The following POMGNT1 variants were observed in gnomAD, a reference collection of about 807,000 sequenced individuals.
POMGNT1 encodes protein O-linked mannose N-acetylglucosaminyltransferase 1 (beta 1,2-).
In POMGNT1, 67 loss-of-function variants were observed where a neutral mutation model predicts 95.6. The ratio of observed to expected loss-of-function variants is 0.70; its 90% CI spans 0.58 to 0.86. The LOEUF (loss-of-function observed/expected upper bound fraction) is 0.86. Ranked by LOEUF, POMGNT1 falls within the 40% of genes least tolerant of loss-of-function variation. POMGNT1 has a pLI of 0.00. For synonymous variants in POMGNT1, 298 were observed against 317.9 expected, an observed-to-expected ratio of 0.94 and a Z score of 0.66; for missense variants, 719 against 855.2, an observed-to-expected ratio of 0.84 and a Z score of 1.99.
chr1:46,204,011 CCTT>C (rs1229728103), intron 1 of POMGNT1, among the ~76,000 whole-genome samples: 2 of 152,160 alleles, frequency 1.3e-5, no homozygotes, highest in East Asian at 1.9e-4. Context: ...GGTTTTTTCT[CCTT>C]CTGCTAACCG....
At position 46,190,782 on chromosome 1, in the gene POMGNT1, C is replaced by T; in HGVS notation, c.1542G>A (p.Glu514=). ...VGLNMNGYFH[E]AYFKKHKFNT... Reference sequence around the variant, plus strand: ...TGAACTTGTGCTTCTTGAAGTAGGCCTCCTGGAGTGGGTATGAGAGTGAAA... The same window carrying T: ...TGAACTTGTGCTTCTTGAAGTAGGCTTCCTGGAGTGGGTATGAGAGTGAAA... Residue 514 remains glutamate (E), a splice_region_variant and synonymous_variant, in exon 18 of 22, where the codon GAG becomes GAA. Coordinates refer to ENST00000371984, the MANE Select transcript of POMGNT1 (RefSeq NM_017739.4). 1 of 1,612,468 alleles carries T rather than the reference C, an allele frequency of 6.2e-7. No homozygotes were observed. The highest frequency in any genetic ancestry group is 8.5e-7 in the Non-Finnish European group (1 of 1,178,474).
chr1:46,204,600 T>C (rs2148235258), intron 1 of POMGNT1, among the ~76,000 whole-genome samples: 1 of 152,274 alleles, frequency 6.6e-6, no homozygotes, highest in African/African-American at 2.4e-5. Context: ...ATGGGGGCTC[T>C]GAGACCAGCC....
At chr1:46,214,570 CAA>C (rs754366461) in intron 1 of POMGNT1, among the ~76,000 whole-genome samples, 4 of 151,698 alleles carry the variant, frequency 2.6e-5, no homozygotes, top group Admixed American at 1.3e-4. Context: ...AAAGAAAAAC[CAA>C]AGAGTTGATA....
intron 1 of POMGNT1, among the ~76,000 whole-genome samples, chr1:46,215,691 G>T (rs1250794928): frequency 6.6e-6 from 1 of 152,188 alleles, no homozygotes; most frequent in Non-Finnish European, 1.5e-5. Context: ...TTGAGCTCAG[G>T]AGTTTGAGAC....
At position 46,192,545 on chromosome 1, in the gene POMGNT1, C is replaced by T. The variant is rs41292143; in HGVS notation, c.1257G>A (p.Leu419=). The T allele has an allele frequency of 0.016, 26,117 of 1,614,166 alleles. 266 individuals are homozygous for T. Among genetic ancestry groups the T allele is most frequent in the Non-Finnish European group, 0.021 (24,262 of 1,180,028 alleles). ...SIHLLEEDDS[L]YCISAWNDQG... ...GGTCATTCCAGGCAGAGATGCAGTA[C>T]AGGCTGTCATCCTCCTCCAGTAGGT... Residue 419 remains leucine, a synonymous_variant, in exon 15 of 22, where the codon CTG becomes CTA. Transcript: ENST00000371984.
rs770665651 is a variant in POMGNT1, at chr1:46,188,985, A to G, written c.*285T>C. On this transcript the variant is annotated 3_prime_UTR_variant, in exon 22 of 22. Transcript: ENST00000371984. ...AGGTTAGATTCTGAGCCAGGCCTGG[A>G]AAGTGAGGGTATTCAAAGGGCAGGA... 1.2e-6 allele frequency: 2 copies of G among 1,606,016 alleles called. No individual in the cohort carries two copies. Among genetic ancestry groups the G allele is most frequent in the Non-Finnish European group, 1.7e-6 (2 of 1,175,362 alleles).
intron 1 of POMGNT1, chr1:46,219,645 C>T: frequency 6.6e-7 from 1 of 1,511,038 alleles, no homozygotes. Flanking sequence ...TGTGGAAACG[C>T]TGGGGAAACC....
At chr1:46,198,450 GC>G (rs1285295870), upstream of POMGNT1, 3 of 149,872 alleles carry the variant, frequency 2.0e-5, no homozygotes, top group Non-Finnish European at 4.5e-5. Flanking sequence ...GGCCTGGCCC[GC>G]CCCCCCGCTT....
rs1401282000 is a variant in POMGNT1, at chr1:46,196,865, G to A, written c.236-16C>T. ...AGGGCCTCATCTGTGGGGTACAACAGGTCATGGAGATAGTCTCCTCAGCAG... is the reference window on the plus strand; with the variant it reads ...AGGGCCTCATCTGTGGGGTACAACAAGTCATGGAGATAGTCTCCTCAGCAG... On this transcript the variant is annotated splice_polypyrimidine_tract_variant and intron_variant, in intron 3 of 21. Coordinates refer to ENST00000371984, the MANE Select transcript of POMGNT1 (RefSeq NM_017739.4). This position sits in a 1 kb window ranked among gnomAD's most constrained non-coding sequence, Gnocchi z 4.4. The A allele has an allele frequency of 6.2e-7, 1 of 1,614,202 alleles. No individual in the cohort carries two copies. The highest frequency in any genetic ancestry group is 1.1e-5 in the South Asian group (1 of 91,060).
At chr1:46,198,998 G>A (rs896294016), upstream of POMGNT1, among the ~76,000 whole-genome samples, 2 of 152,128 alleles carry the variant, frequency 1.3e-5, no homozygotes, top group African/African-American at 4.8e-5. Flanking sequence ...CTGGAGTGCA[G>A]TGGCACCATC....
At position 46,196,209 on chromosome 1, in the gene POMGNT1, C is replaced by G; in HGVS notation, c.355-132G>C. The G allele has an allele frequency of 6.5e-7, 1 of 1,540,826 alleles. No homozygotes were observed. Among genetic ancestry groups the G allele is most frequent in the Admixed American group, 1.9e-5 (1 of 51,638 alleles). ...ATGTTTCTGTTCACACAGTTCTTTT[C>G]CAACTCAGCTCGAAGGCCACCTCTT... On this transcript the variant is annotated intron_variant, in intron 4 of 21. Transcript: ENST00000371984. The surrounding 1 kb of genome is among the most constrained non-coding windows in gnomAD (Gnocchi z 4.4).
chr1:46,189,140 T>G lies in POMGNT1; in HGVS notation c.*130A>C. 1.3e-6 allele frequency: 2 copies of G among 1,493,852 alleles called. No individual in the cohort carries two copies. The highest frequency in any genetic ancestry group is 1.4e-5 in the South Asian group (1 of 72,292). 92.5% of individuals were successfully genotyped at this position (1,493,852 alleles called of 1,614,324 possible). A position where few individuals can be genotyped will look rare whatever the true frequency, so the allele number is the denominator to read the frequency against. ...GGAACCCTCCCCTTGGAGTTAGTAA[T>G]TAAGTCTCATGTTAAAAACAAGGTA... On this transcript the variant is annotated 3_prime_UTR_variant, in exon 22 of 22. Transcript: ENST00000371984.
chr1:46,220,030 G>T (rs1471744115), exon 1 of POMGNT1: 1 of 1,614,138 alleles, frequency 6.2e-7, no homozygotes, highest in Non-Finnish European at 8.5e-7. Flanking sequence ...GTTATAGCTG[G>T]TGGAGAGAGG....
upstream of POMGNT1, among the ~76,000 whole-genome samples, chr1:46,199,998 C>T (rs1339033430): frequency 2.6e-5 from 4 of 152,016 alleles, no homozygotes; most frequent in South Asian, 6.2e-4. Flanking sequence ...GGTGAAACCC[C>T]GTCTCTACTA....
intron 1 of POMGNT1, among the ~76,000 whole-genome samples, chr1:46,209,661 C>T (rs914050475): frequency 6.6e-6 from 1 of 151,628 alleles, no homozygotes; most frequent in Non-Finnish European, 1.5e-5. Context: ...TACATGCACC[C>T]GCCACCACAC....
intron 1 of POMGNT1, 71 bp from the exon 2 acceptor site, chr1:46,197,942 G>A: frequency 1.4e-6 from 2 of 1,464,512 alleles, no homozygotes; most frequent in South Asian, 1.2e-5. Flanking sequence ...GGGAGATGAG[G>A]GAGGACCTCC....
At chr1:46,219,865 C>T (rs769390159) in exon 1 of POMGNT1, 1 of 1,613,866 alleles carries the variant, frequency 6.2e-7, no homozygotes, top group Non-Finnish European at 8.5e-7. Context: ...CCAGGCCGCT[C>T]AAGGCGAGGC....
At chr1:46,213,857 A>C (rs1658979069) in intron 1 of POMGNT1, among the ~76,000 whole-genome samples, 1 of 151,862 alleles carries the variant, frequency 6.6e-6, no homozygotes, top group African/African-American at 2.4e-5. Context: ...TGATTAACTC[A>C]AGAAAAAAAA....
At chr1:46,189,421 G>A (rs1657565517) in intron 21 of POMGNT1, 37 bp downstream of exon 21, 2 of 1,613,668 alleles carry the variant, frequency 1.2e-6, no homozygotes, top group Non-Finnish European at 1.7e-6. Context: ...GATCTCACTA[G>A]GCCTCCTGTT....
Sources: allele counts gnomAD v4.1 joint callset (sites outside exome capture counted in the v4.1 genomes callset), GRCh38; gene constraint gnomAD v4.1.1; non-coding constraint Gnocchi (gnomAD v3.1); transcripts MANE v1.5; gene names NCBI Gene and HGNC (gene_info 2026-07-23, HGNC 2026-07-21).